SAMSN1: variants seen among roughly 807,000 people sequenced by gnomAD.
SAMSN1 encodes SAM domain-containing protein SAMSN-1.
A neutral mutation model predicts 42.0 loss-of-function variants in SAMSN1; 31 were observed. The ratio of observed to expected loss-of-function variants is 0.74; its 90% CI spans 0.55 to 1.00. The LOEUF (loss-of-function observed/expected upper bound fraction) is 1.00, where lower values mean the gene tolerates loss of function less well. Among genes scored for constraint, SAMSN1 ranks in the 50% least tolerant of loss-of-function variants. The pLI is 0.00. For synonymous variants in SAMSN1, 178 were observed against 151.9 expected, an observed-to-expected ratio of 1.17 and a Z score of -1.26; for missense variants, 464 against 439.4, an observed-to-expected ratio of 1.06 and a Z score of -0.50.
At chr21:14,498,209 G>C (rs557104849) in intron 7 of SAMSN1, among the ~76,000 whole-genome samples, 2 of 152,244 alleles carry the variant, frequency 1.3e-5, no homozygotes, top group South Asian at 4.1e-4. Flanking sequence ...GTGGAAATGA[G>C]GTACCCAGAA....
upstream of SAMSN1, among the ~76,000 whole-genome samples, chr21:14,547,630 C>T (rs767593748): frequency 7.9e-5 from 12 of 152,056 alleles, no homozygotes; most frequent in East Asian, 1.9e-4. Context: ...AGCTTTTCCA[C>T]GTGACAAATC....
At chr21:14,562,357 C>T (rs999107679) in intron 2 of SAMSN1, among the ~76,000 whole-genome samples, 2 of 152,082 alleles carry the variant, frequency 1.3e-5, no homozygotes, top group Non-Finnish European at 2.9e-5. Context: ...CAGAAAAGAT[C>T]ACCCCTCTTC....
intron 2 of SAMSN1, among the ~76,000 whole-genome samples, chr21:14,620,388 A>T (rs547014031): frequency 6.6e-6 from 1 of 152,160 alleles, no homozygotes; most frequent in Admixed American, 6.5e-5. Flanking sequence ...TCCTGCCACC[A>T]TGTGAAGAAG....
intron 2 of SAMSN1, among the ~76,000 whole-genome samples, chr21:14,556,393 G>A (rs566422690): frequency 3.3e-5 from 5 of 152,196 alleles, no homozygotes; most frequent in Admixed American, 6.5e-5. Context: ...AATTACGGTG[G>A]ATGTTTTTAA....
At chr21:14,575,484 G>A (rs1425384250) in intron 2 of SAMSN1, among the ~76,000 whole-genome samples, 2 of 152,044 alleles carry the variant, frequency 1.3e-5, no homozygotes, top group Admixed American at 6.6e-5. Context: ...TCCATAAGTG[G>A]TCCAAACACA....
At position 14,498,551 on chromosome 21, in the gene SAMSN1, T is replaced by C; in HGVS notation, c.810A>G (p.Leu270=). 1.9e-6 allele frequency: 3 copies of C among 1,609,612 alleles called. No homozygotes were observed. Among genetic ancestry groups the C allele is most frequent in the Middle Eastern group, 3.3e-4 (2 of 6,050 alleles). Residue 270 remains leucine (L), a synonymous_variant, in exon 7 of 8, where the codon CTA becomes CTG. Coordinates refer to ENST00000400566, the MANE Select transcript of SAMSN1 (RefSeq NM_022136.5). ...TCTCTTTTATATCTTTTAAATCTTC[T>C]AGAGTCTCATAACCATTGAGCAAAA... The part of the protein sequence containing the change: ...STLLLNGYET[L]EDLKDIKESH...
chr21:14,503,762 C>T (rs1191605066), intron 5 of SAMSN1, among the ~76,000 whole-genome samples: 1 of 152,130 alleles, frequency 6.6e-6, no homozygotes, highest in Non-Finnish European at 1.5e-5. Flanking sequence ...TGGATGCTCA[C>T]ATGATGAATT....
At chr21:14,595,178 A>G (rs751045157) in intron 6 of SAMSN1, among the ~76,000 whole-genome samples, 1 of 152,192 alleles carries the variant, frequency 6.6e-6, no homozygotes, top group Non-Finnish European at 1.5e-5. Flanking sequence ...CCCCACCTAC[A>G]ACACCAGGAA....
At chr21:14,649,776 C>CACAT (rs879864998) in intron 1 of SAMSN1, among the ~76,000 whole-genome samples, 2 of 132,400 alleles carry the variant, frequency 1.5e-5, no homozygotes, top group African/African-American at 6.1e-5. Context: ...TCTCAAAACA[C>CACAT]ACACACACAC....
At chr21:14,558,271 A>G (rs573935035) in intron 2 of SAMSN1, among the ~76,000 whole-genome samples, 1 of 152,148 alleles carries the variant, frequency 6.6e-6, no homozygotes, top group South Asian at 2.1e-4. Context: ...CAGAATCCGT[A>G]CCCCTCAAAA....
intron 1 of SAMSN1, among the ~76,000 whole-genome samples, chr21:14,644,461 G>C (rs761293327): frequency 1.3e-5 from 2 of 152,060 alleles, no homozygotes; most frequent in Non-Finnish European, 2.9e-5. Context: ...GTTCAGTCCT[G>C]GCAGTATTCA....
upstream of SAMSN1, chr21:14,546,448 C>A (rs148512908): frequency 8.1e-3 from 7,034 of 863,840 alleles, 431 homozygotes; most frequent in Admixed American, 0.15. Flanking sequence ...TACAGTAATT[C>A]TTTGGTAACT....
chr21:14,538,920 C>T (rs1192874841), intron 1 of SAMSN1, among the ~76,000 whole-genome samples: 2 of 152,162 alleles, frequency 1.3e-5, no homozygotes, highest in Non-Finnish European at 2.9e-5. Context: ...AACAATGGTA[C>T]TTGAATCTCC....
chr21:14,583,931 C>A (rs1463043665), upstream of SAMSN1, among the ~76,000 whole-genome samples: 1 of 151,892 alleles, frequency 6.6e-6, no homozygotes, highest in Non-Finnish European at 1.5e-5. Context: ...GCACACCATA[C>A]TTTTTGGGTT....
intron 2 of SAMSN1, among the ~76,000 whole-genome samples, chr21:14,581,260 C>T (rs1478176677): frequency 6.7e-6 from 1 of 149,650 alleles, no homozygotes; most frequent in Admixed American, 6.7e-5. Flanking sequence ...GGCTCTACCT[C>T]CTGTTAGCTG....
At position 14,617,797 on chromosome 21, in the gene SAMSN1, C is replaced by T. The variant is rs144185488; in HGVS notation, c.157-1781G>A. 8.3e-4 allele frequency among the ~76,000 whole-genome samples: 126 copies of T among 152,346 alleles called. 2 individuals are homozygous for T. In the South Asian group the frequency reaches 0.011, roughly 13 times the overall value. On this transcript the variant is annotated intron_variant, in intron 2 of 15. Coordinates refer to the SAMSN1 transcript ENST00000647101. ...TTATATCAGGATTCCTCTGCCTTTG[C>T]TATCAAAGAGATTAATTCCAGATGG...
intron 2 of SAMSN1, 145 bp from the exon 3 acceptor site, chr21:14,517,186 A>G: frequency 1.5e-6 from 1 of 678,728 alleles, no homozygotes; most frequent in African/African-American, 1.9e-5. Context: ...CAATCCGGAC[A>G]TAACACATAT....
At chr21:14,653,598 G>A (rs1280782611) in intron 1 of SAMSN1, among the ~76,000 whole-genome samples, 1 of 151,972 alleles carries the variant, frequency 6.6e-6, no homozygotes, top group Non-Finnish European at 1.5e-5. Flanking sequence ...ACAATAGGGT[G>A]ACTATTGTCA....
At chr21:14,525,960 A>T (rs1340543328) in intron 1 of SAMSN1, among the ~76,000 whole-genome samples, 1 of 151,906 alleles carries the variant, frequency 6.6e-6, no homozygotes, top group Non-Finnish European at 1.5e-5. Context: ...CACCTCCTGG[A>T]TTGAAGCGAT....
Sources: allele counts gnomAD v4.1 joint callset (sites outside exome capture counted in the v4.1 genomes callset), GRCh38; gene constraint gnomAD v4.1.1; transcripts MANE v1.5; gene names NCBI Gene and HGNC (gene_info 2026-07-23, HGNC 2026-07-21).